Variants in ASCC3 observed in about 807,000 individuals in gnomAD.
ASCC3 encodes the protein activating signal cointegrator 1 complex subunit 3, also known as ASC-1 complex subunit P200.
In ASCC3, 158 loss-of-function variants were observed where a neutral mutation model predicts 256.3. The observed-to-expected ratio is 0.62, with a 90% CI of 0.54 to 0.70. The LOEUF is 0.70. Ranked by LOEUF, ASCC3 falls within the 30% of genes least tolerant of loss-of-function variation. The pLI is 0.00. For synonymous variants in ASCC3, 948 were observed against 883.4 expected, an observed-to-expected ratio of 1.07 and a Z score of -1.30; for missense variants, 2,259 against 2,626.0, an observed-to-expected ratio of 0.86 and a Z score of 3.05.
chr6:100,523,181 T>C (rs1774392628), intron 37 of ASCC3, among the ~76,000 whole-genome samples: 1 of 151,734 alleles, frequency 6.6e-6, no homozygotes, highest in African/African-American at 2.4e-5. Context: ...GCCTTTAAAT[T>C]AGCTGTAATA....
chr6:100,803,602 G>T (rs1413726477), intron 5 of ASCC3, among the ~76,000 whole-genome samples: 1 of 152,098 alleles, frequency 6.6e-6, no homozygotes, highest in African/African-American at 2.4e-5. Context: ...GCTCTTGGAG[G>T]AAGGCAGAGT....
In ASCC3 at chr6:100,662,529, C is replaced by T; in HGVS notation, c.2294G>A (p.Arg765Lys). The T allele has an allele frequency of 1.2e-6, 2 of 1,612,680 alleles. No individual in the cohort carries two copies. The highest frequency in any genetic ancestry group is 1.7e-6 in the Non-Finnish European group (2 of 1,179,106). The change falls in exon 15 of 42, where the codon AGG becomes AAG. Residue 765 changes from arginine (R) to lysine (K), a missense_variant. Around this residue, in one of 2 missense-constraint regions of ASCC3, gnomAD observed 1,839 missense variants for 2,206.7 expected, o/e 0.83. Transcript: ENST00000369162. ...TTCTCGTACTTGCTTATTTCTCGAC[C>T]TTTGTACCTAGATACCAAGAAAGCG... Reference protein sequence around the residue: ...DYVLAEKQVQRSRNKQVRELF... With the variant: ...DYVLAEKQVQKSRNKQVRELF...
intron 34 of ASCC3, among the ~76,000 whole-genome samples, chr6:100,590,641 G>A (rs996486096): frequency 3.3e-5 from 5 of 152,054 alleles, no homozygotes; most frequent in African/African-American, 1.2e-4. Flanking sequence ...TGGTCTTAGA[G>A]AACCGGTTCT....
chr6:100,737,881 G>T (rs11757315), intron 10 of ASCC3, among the ~76,000 whole-genome samples: 1 of 152,114 alleles, frequency 6.6e-6, no homozygotes, highest in Non-Finnish European at 1.5e-5. Flanking sequence ...AATCTCACCA[G>T]CATCTGTTGT....
chr6:100,583,236 A>C (rs1261732381), intron 36 of ASCC3, among the ~76,000 whole-genome samples: 3 of 152,106 alleles, frequency 2.0e-5, no homozygotes, highest in Non-Finnish European at 4.4e-5. Flanking sequence ...TTCGTTGGTA[A>C]GCTATTGATT....
At chr6:100,625,882 CAG>C in intron 29 of ASCC3, among the ~76,000 whole-genome samples, 1 of 152,008 alleles carries the variant, frequency 6.6e-6, no homozygotes, top group Non-Finnish European at 1.5e-5. Flanking sequence ...AGAGATAAAT[CAG>C]AAGAAAGTTT....
At chr6:100,667,843 C>G (rs1031687208) in intron 14 of ASCC3, among the ~76,000 whole-genome samples, 6 of 151,600 alleles carry the variant, frequency 4.0e-5, no homozygotes, top group African/African-American at 1.5e-4. Flanking sequence ...GGCTTTTCTT[C>G]TAAATAAATG....
At position 100,671,633 on chromosome 6, in the gene ASCC3, C is replaced by T. The variant is rs17060852; in HGVS notation, c.2286+7985G>A. The stretch of plus-strand genomic sequence containing the variant: ...GGCTTTATAGTCAGTAAAACTCAAA[C>T]GGAATGGGCAACTGCTAAGATAATC... On this transcript the variant is annotated intron_variant, in intron 14 of 41. Transcript: ENST00000369162. Among the ~76,000 whole-genome samples, 1,849 of 152,076 alleles carry T rather than the reference C, an allele frequency of 0.012. 81 individuals are homozygous for T. In the East Asian group the frequency reaches 0.14, roughly 12 times the overall value.
Position 100,760,004 on chromosome 6 carries a change from G to A in ASCC3, c.1737+6561C>T, listed in dbSNP as rs890312459. Among the ~76,000 whole-genome samples, 7 of 152,080 alleles carry A rather than the reference G, an allele frequency of 4.6e-5. No homozygotes were observed. The East Asian group carries it at 7.7e-4, about 17-fold the overall frequency. ...TTGTGATCTTTGCACACTAATTTTT[G>A]TATCCTGAGACTTTGCCCAAGTTGC... is the stretch of plus-strand genomic sequence containing the variant. On this transcript the variant is annotated intron_variant, in intron 10 of 41. Transcript: ENST00000369162.
chr6:100,871,309 T>G (rs1198487286), intron 1 of ASCC3, among the ~76,000 whole-genome samples: 8 of 152,118 alleles, frequency 5.3e-5, no homozygotes, highest in Non-Finnish European at 7.4e-5. Flanking sequence ...TTGGTCAGCC[T>G]GGCTTCAAAC....
At chr6:100,715,086 G>A (rs1393865397) in intron 13 of ASCC3, 2 of 157,340 alleles carry the variant, frequency 1.3e-5, no homozygotes, top group Admixed American at 6.4e-5. Context: ...CAATCTTGAT[G>A]GGAGTATATT....
intron 13 of ASCC3, among the ~76,000 whole-genome samples, chr6:100,680,436 C>A (rs1004690430): frequency 6.6e-6 from 1 of 152,180 alleles, no homozygotes; most frequent in Non-Finnish European, 1.5e-5. Flanking sequence ...CCTGCCTTTG[C>A]TCCCTGTCAG....
intron 4 of ASCC3, among the ~76,000 whole-genome samples, chr6:100,824,414 C>A (rs1771197383): frequency 6.6e-6 from 1 of 152,000 alleles, no homozygotes; most frequent in African/African-American, 2.4e-5. Context: ...AATGAGAAAC[C>A]AACTACTTTC....
chr6:100,721,437 A>G (rs1340391282), intron 11 of ASCC3, among the ~76,000 whole-genome samples: 2 of 151,752 alleles, frequency 1.3e-5, no homozygotes, highest in African/African-American at 2.4e-5. Context: ...CTTTGTGTAA[A>G]TCATGCCCTG....
At chr6:100,678,206 A>G (rs188725311) in intron 14 of ASCC3, among the ~76,000 whole-genome samples, 1 of 152,294 alleles carries the variant, frequency 6.6e-6, no homozygotes, top group East Asian at 1.9e-4. Context: ...ATCTGAATTG[A>G]GATGGATAAA....
rs79933272 is a variant in ASCC3, at chr6:100,785,432, G to A, written c.1395+13281C>T. On this transcript the variant is annotated intron_variant, in intron 8 of 41. Coordinates refer to ENST00000369162, the MANE Select transcript of ASCC3 (RefSeq NM_006828.4). ...TTTATTAATTTAAAGACAGGGTCTC[G>A]TTCTGCTGCCCAGGCTGGAATGCAG... 2.6e-5 allele frequency among the ~76,000 whole-genome samples: 4 copies of A among 152,092 alleles called. No individual in the cohort carries two copies. In the East Asian group the frequency reaches 5.8e-4, roughly 22 times the overall value.
intron 37 of ASCC3, among the ~76,000 whole-genome samples, chr6:100,527,503 C>A (rs1255704156): frequency 6.6e-6 from 1 of 152,130 alleles, no homozygotes; most frequent in African/African-American, 2.4e-5. Context: ...TTAAACTCTG[C>A]AATTCTAAAA....
rs911602123 is a variant in ASCC3 at position 100,673,377 on chromosome 6, T to A, written c.2286+6241A>T. The stretch of plus-strand genomic sequence containing the variant: ...ATTTATTAATCTGATGTCTTTAGAG[T>A]GCTTCCTCTACTCAAGTATTTTCAA... On this transcript the variant is annotated intron_variant, in intron 14 of 41. Transcript: ENST00000369162. 2.0e-5 allele frequency among the ~76,000 whole-genome samples: 3 copies of A among 152,094 alleles called. No homozygotes were observed. In the East Asian group the frequency reaches 5.8e-4, roughly 29 times the overall value.
chr6:100,636,475 C>G (rs1774849894), intron 25 of ASCC3, among the ~76,000 whole-genome samples: 1 of 152,116 alleles, frequency 6.6e-6, no homozygotes, highest in South Asian at 2.1e-4. Flanking sequence ...TAAGACACAA[C>G]AATATTGAAA....
Sources: allele counts gnomAD v4.1 joint callset (sites outside exome capture counted in the v4.1 genomes callset), GRCh38; gene constraint gnomAD v4.1.1; regional missense constraint gnomAD v4.1.1; transcripts MANE v1.5; gene names NCBI Gene and HGNC (gene_info 2026-07-23, HGNC 2026-07-21).